The following GDA variants were observed in gnomAD, a reference collection of about 807,000 sequenced individuals.
GDA encodes cytoplasmic PSD-95 interactor.
In GDA, 18 loss-of-function variants were observed where a neutral mutation model predicts 59.6. The ratio of observed to expected loss-of-function variants is 0.30; its 90% CI spans 0.21 to 0.45. The LOEUF is 0.45. GDA is among the 20% of genes least tolerant of loss of function. The probability of loss-of-function intolerance (pLI) is 1.00; values close to 1 mark genes in which losing one functional copy is unlikely to be tolerated. For missense variants in GDA, 427 were observed against 552.3 expected (o/e 0.77, Z 2.27); for synonymous variants, 201 against 201.1 (o/e 1.00, Z 0.00).
chr9:72,254,946 C>T (rs969961570), downstream of GDA, among the ~76,000 whole-genome samples: 4 of 152,262 alleles, frequency 2.6e-5, no homozygotes, highest in East Asian at 5.8e-4. Flanking sequence ...GTTTGTAAAG[C>T]GCTTTGAAAA....
Position 72,129,674 on chromosome 9 carries a change from C to T in GDA, c.-100+14841C>T, listed in dbSNP as rs958107822. Among the ~76,000 whole-genome samples, 7 of 152,084 alleles carry T rather than the reference C, an allele frequency of 4.6e-5. No individual in the cohort carries two copies. In the South Asian group the frequency reaches 8.3e-4, roughly 18 times the overall value. On this transcript the variant is annotated intron_variant, in intron 1 of 13. Transcript: ENST00000545168. ...CAGGATTTCCCAGGTAAAGGGAGAC[C>T]GATGATGTTCACTTTGCTCACAACA...
At chr9:72,171,959 C>A (rs977361982) in intron 1 of GDA, among the ~76,000 whole-genome samples, 2 of 152,072 alleles carry the variant, frequency 1.3e-5, no homozygotes, top group African/African-American at 4.8e-5. Context: ...AGGTGCAATG[C>A]GATTAAGTAA....
At chr9:72,192,950 A>C (rs1484964382) in intron 1 of GDA, among the ~76,000 whole-genome samples, 1 of 152,192 alleles carries the variant, frequency 6.6e-6, no homozygotes, top group Non-Finnish European at 1.5e-5. Flanking sequence ...TGTATTTTTC[A>C]GCTTCAGGAT....
chr9:72,162,362 A>T (rs1828739207), intron 1 of GDA, among the ~76,000 whole-genome samples: 1 of 152,186 alleles, frequency 6.6e-6, no homozygotes, highest in African/African-American at 2.4e-5. Context: ...TGCTCTGGAG[A>T]TGCAAATCAG....
At chr9:72,125,047 T>C (rs762601313) in intron 1 of GDA, among the ~76,000 whole-genome samples, 64 of 152,308 alleles carry the variant, frequency 4.2e-4, no homozygotes, top group Non-Finnish European at 4.3e-4. Flanking sequence ...CCTGGATGAT[T>C]TGGGAGAGAG....
chr9:72,234,006 C>A (rs2131695397), intron 10 of GDA, among the ~76,000 whole-genome samples: 1 of 152,058 alleles, frequency 6.6e-6, no homozygotes, highest in East Asian at 1.9e-4. Flanking sequence ...TATAATAGCC[C>A]CAAACCAGAA....
At position 72,210,843 on chromosome 9, in the gene GDA, T is replaced by G. The variant is rs1326750152; in HGVS notation, c.472+69T>G. ...AGCCAGACCATCGTGGCAAACAACT[T>G]ATATGTACTTTTGGGCAGACCTGCC... On this transcript the variant is annotated intron_variant, in intron 4 of 13. Coordinates refer to ENST00000358399, the MANE Select transcript of GDA (RefSeq NM_004293.5). 11 of 962,686 alleles carry G rather than the reference T, an allele frequency of 1.1e-5. No individual in the cohort carries two copies. The Admixed American group carries it at 1.9e-4, about 17-fold the overall frequency. The allele number at this position is 962,686 out of a possible 1,614,324, so 59.6% of individuals were successfully genotyped here.
chr9:72,248,189 T>TA (rs551926148), intron 13 of GDA, 83 bp from the exon 14 acceptor site: 554 of 929,470 alleles, frequency 6.0e-4, no homozygotes, highest in Admixed American at 9.0e-4. Flanking sequence ...GAAGTATCTT[T>TA]AAAAAAAATC....
intron 1 of GDA, among the ~76,000 whole-genome samples, chr9:72,133,699 T>G (rs1217365831): frequency 4.6e-5 from 7 of 152,212 alleles, no homozygotes; most frequent in Admixed American, 2.6e-4. Flanking sequence ...CTCTTATTTC[T>G]TCTCACATAA....
intron 7 of GDA, among the ~76,000 whole-genome samples, chr9:72,224,398 A>G (rs1278760438): frequency 6.6e-6 from 1 of 151,970 alleles, no homozygotes; most frequent in Non-Finnish European, 1.5e-5. Flanking sequence ...GAACATTGCT[A>G]TTTTTTTCTT....
chr9:72,187,085 C>T (rs1831949681), intron 1 of GDA, among the ~76,000 whole-genome samples: 2 of 152,146 alleles, frequency 1.3e-5, no homozygotes, highest in African/African-American at 2.4e-5. Context: ...TAGAATAAGA[C>T]ATTTATTATT....
chr9:72,116,329 T>C (rs925008047), intron 1 of GDA, among the ~76,000 whole-genome samples: 8 of 151,854 alleles, frequency 5.3e-5, no homozygotes, highest in Non-Finnish European at 1.2e-4. Flanking sequence ...TTACAATGCC[T>C]ACTGACCACA....
chr9:72,254,455 AAAAC>A (rs1007762224), downstream of GDA, among the ~76,000 whole-genome samples: 11 of 149,212 alleles, frequency 7.4e-5, no homozygotes, highest in African/African-American at 2.7e-4. Context: ...AATTAAAAAA[AAAAC>A]AAAAAAACAA....
intron 10 of GDA, among the ~76,000 whole-genome samples, chr9:72,232,481 A>T (rs2131678091): frequency 6.6e-6 from 1 of 152,312 alleles, no homozygotes; most frequent in Middle Eastern, 3.4e-3. Flanking sequence ...TGATAATTCT[A>T]CATAAAGTCA....
chr9:72,170,306 G>A (rs577453078), intron 1 of GDA, among the ~76,000 whole-genome samples: 1 of 152,228 alleles, frequency 6.6e-6, no homozygotes, highest in South Asian at 2.1e-4. Flanking sequence ...GGCTCTCCCA[G>A]TTCTATATAA....
At chr9:72,127,442 T>A (rs547377287) in intron 1 of GDA, among the ~76,000 whole-genome samples, 139 of 151,828 alleles carry the variant, frequency 9.2e-4, no homozygotes, top group South Asian at 3.1e-3. Context: ...ATTGAGACAA[T>A]CCTGGCCAAC....
downstream of GDA, among the ~76,000 whole-genome samples, chr9:72,254,947 G>GC (rs1480404749): frequency 6.6e-6 from 1 of 152,154 alleles, no homozygotes; most frequent in Non-Finnish European, 1.5e-5. Context: ...TTTGTAAAGC[G>GC]CTTTGAAAAC....
chr9:72,221,204 A>T (rs1032667763), intron 6 of GDA, among the ~76,000 whole-genome samples: 50 of 152,118 alleles, frequency 3.3e-4, no homozygotes, highest in Non-Finnish European at 6.2e-4. Flanking sequence ...CCTGGACAAG[A>T]TGTATTCCCA....
chr9:72,185,843 C>T (rs1025173306), intron 1 of GDA, among the ~76,000 whole-genome samples: 2 of 152,100 alleles, frequency 1.3e-5, no homozygotes, highest in African/African-American at 2.4e-5. Flanking sequence ...GTATTCCCGA[C>T]ATTCTCATTA....
Sources: gnomAD v4.1 joint callset for allele counts (sites outside exome capture counted in the v4.1 genomes callset) on GRCh38, gnomAD v4.1.1 for gene constraint, MANE v1.5 for transcripts, NCBI Gene and HGNC (gene_info 2026-07-23, HGNC 2026-07-21) for gene names.